The following DNAJC24 variants were observed in gnomAD, a reference collection of about 807,000 sequenced individuals.
The protein encoded by DNAJC24 is DnaJ heat shock protein family (Hsp40) member C24.
In DNAJC24, 17 loss-of-function variants were observed where a neutral mutation model predicts 18.0. The ratio of observed to expected loss-of-function variants is 0.94; its 90% CI spans 0.65 to 1.42. DNAJC24 has a LOEUF of 1.42. Ranked by LOEUF, DNAJC24 falls within the 40% of genes most tolerant of loss-of-function variation. The pLI is 0.00. For synonymous variants in DNAJC24, 55 were observed against 57.7 expected (o/e 0.95, Z 0.21); for missense variants, 158 against 175.6 (o/e 0.90, Z 0.57).
intron 2 of DNAJC24, among the ~76,000 whole-genome samples, chr11:31,412,803 C>T (rs1278824821): frequency 2.0e-5 from 3 of 152,166 alleles, no homozygotes; most frequent in Non-Finnish European, 4.4e-5. Flanking sequence ...TTGTCCCAGC[C>T]TGTATGATGT....
Position 31,431,475 on chromosome 11 carries a change from T to A in DNAJC24, c.*1074T>A, listed in dbSNP as rs942974737. On this transcript the variant is annotated 3_prime_UTR_variant, in exon 5 of 5. Transcript: ENST00000465995. Reference sequence around the variant, plus strand: ...CAGAAGCTTTTTTAAAAATAATGACTTGGAAGTTGGTGCATTATTTCCCCT... The same window carrying A: ...CAGAAGCTTTTTTAAAAATAATGACATGGAAGTTGGTGCATTATTTCCCCT... 6.7e-6 allele frequency: 1 copy of A among 149,730 alleles called. No homozygotes were observed. Among genetic ancestry groups the A allele is most frequent in the African/African-American group, 2.4e-5 (1 of 40,860 alleles). The allele number at this position is 149,730 out of a possible 1,614,324, so 9.3% of individuals were successfully genotyped here.
intron 1 of DNAJC24, 31 bp from the exon 2 acceptor site, chr11:31,370,685 G>A: frequency 8.9e-7 from 1 of 1,126,518 alleles, no homozygotes; most frequent in Non-Finnish European, 1.3e-6. Context: ...ATGGCAAACT[G>A]TGATGAATTG....
chr11:31,372,505 C>T (rs1252785059), intron 2 of DNAJC24, among the ~76,000 whole-genome samples: 1 of 135,106 alleles, frequency 7.4e-6, no homozygotes, highest in Non-Finnish European at 1.7e-5. Context: ...TGAAAAATAT[C>T]CTAATATTAA....
At chr11:31,398,531 A>G (rs1287282387) in intron 2 of DNAJC24, among the ~76,000 whole-genome samples, 1 of 152,268 alleles carries the variant, frequency 6.6e-6, no homozygotes, top group Non-Finnish European at 1.5e-5. Flanking sequence ...TAAAAGAAAT[A>G]GATAACTTTT....
chr11:31,401,886 C>T (rs1952604229), intron 2 of DNAJC24, among the ~76,000 whole-genome samples: 1 of 152,112 alleles, frequency 6.6e-6, no homozygotes, highest in Non-Finnish European at 1.5e-5. Flanking sequence ...TGCAGGATTC[C>T]ATCATAAATA....
chr11:31,431,593 C>T lies in DNAJC24; in HGVS notation c.*1192C>T, dbSNP rs886207151. On this transcript the variant is annotated 3_prime_UTR_variant, in exon 5 of 5. Coordinates refer to ENST00000465995, the MANE Select transcript of DNAJC24 (RefSeq NM_181706.5). ...TTGGGAGACTAAGGCAGGCGGATCA[C>T]CTTTGGTCAGGAGTTCAAGACCACC... is the stretch of plus-strand genomic sequence containing the variant. The T allele has an allele frequency of 6.6e-6, 1 of 151,406 alleles. No individual in the cohort carries two copies. The highest frequency in any genetic ancestry group is 1.5e-5 in the Non-Finnish European group (1 of 67,892). The allele number at this position is 151,406 out of a possible 1,614,324, so 9.4% of individuals were successfully genotyped here.
chr11:31,377,766 T>G (rs991825625), intron 2 of DNAJC24, among the ~76,000 whole-genome samples: 1 of 152,090 alleles, frequency 6.6e-6, no homozygotes, highest in Non-Finnish European at 1.5e-5. Flanking sequence ...TTCCCACTGA[T>G]CCTGATAATA....
chr11:31,405,083 T>G (rs1253663848), intron 2 of DNAJC24, among the ~76,000 whole-genome samples: 2 of 150,544 alleles, frequency 1.3e-5, no homozygotes, highest in Middle Eastern at 3.4e-3. Context: ...TTGTTTTTTT[T>G]TTTTTTGAGA....
intron 2 of DNAJC24, among the ~76,000 whole-genome samples, chr11:31,393,235 G>T (rs1952515663): frequency 6.6e-6 from 1 of 152,086 alleles, no homozygotes. Flanking sequence ...GGTTGTTTGG[G>T]CAGGGGATTC....
chr11:31,424,390 T>C (rs904236142), intron 3 of DNAJC24, among the ~76,000 whole-genome samples: 1 of 152,174 alleles, frequency 6.6e-6, no homozygotes, highest in Non-Finnish European at 1.5e-5. Context: ...TGAAACAGTG[T>C]TTAATCTCCC....
chr11:31,381,669 A>G (rs1457343588), intron 2 of DNAJC24, among the ~76,000 whole-genome samples: 2 of 149,324 alleles, frequency 1.3e-5, no homozygotes, highest in Non-Finnish European at 3.0e-5. Flanking sequence ...CCGCCTTCCC[A>G]GTTCAAGCAA....
rs563735076 is a variant in DNAJC24, at chr11:31,394,453, G to A, written c.112-20358G>A. ...AGATGAATTTGCAAATGTGGAATCC[G>A]TGATTAACGAGGTTCAACTAATTAT... On this transcript the variant is annotated intron_variant, in intron 2 of 4. Transcript: ENST00000465995. Among the ~76,000 whole-genome samples the A allele has an allele frequency of 5.2e-4, 79 of 152,148 alleles. No homozygotes were observed. In the Middle Eastern group the frequency reaches 0.01, roughly 20 times the overall value.
At chr11:31,425,722 A>T (rs1952854608) in intron 3 of DNAJC24, among the ~76,000 whole-genome samples, 1 of 152,202 alleles carries the variant, frequency 6.6e-6, no homozygotes, top group Admixed American at 6.5e-5. Flanking sequence ...AAGAACAGTC[A>T]AATTATGGGT....
At chr11:31,405,374 ATT>A (rs34856586) in intron 2 of DNAJC24, among the ~76,000 whole-genome samples, 41 of 134,328 alleles carry the variant, frequency 3.1e-4, no homozygotes, top group African/African-American at 6.4e-4. Context: ...CCAGCCAGGA[ATT>A]TTTTTTTTTT....
intron 2 of DNAJC24, among the ~76,000 whole-genome samples, chr11:31,404,582 T>G (rs1952636248): frequency 6.6e-6 from 1 of 152,216 alleles, no homozygotes; most frequent in African/African-American, 2.4e-5. Flanking sequence ...ATTTATATAA[T>G]TCTCTCAAAT....
intron 2 of DNAJC24, among the ~76,000 whole-genome samples, chr11:31,373,409 A>G (rs964667416): frequency 4.5e-5 from 6 of 133,704 alleles, no homozygotes; most frequent in African/African-American, 1.5e-4. Context: ...TCTCCATTGG[A>G]CTGTCTTGGC....
chr11:31,397,109 A>G (rs1167615596), intron 2 of DNAJC24, among the ~76,000 whole-genome samples: 2 of 152,132 alleles, frequency 1.3e-5, no homozygotes, highest in African/African-American at 2.4e-5. Flanking sequence ...TCATGCATCT[A>G]TCCTTCCCAA....
chr11:31,427,931 T>C (rs1212425896), intron 4 of DNAJC24: 3 of 136,158 alleles, frequency 2.2e-5, no homozygotes, highest in Non-Finnish European at 4.7e-5. Flanking sequence ...CTGGGCAACA[T>C]AGGAAGACTG....
intron 2 of DNAJC24, among the ~76,000 whole-genome samples, chr11:31,389,309 A>G (rs1459642077): frequency 6.6e-6 from 1 of 152,176 alleles, no homozygotes; most frequent in Admixed American, 6.5e-5. Context: ...GGATGTAGAA[A>G]TACATTCCAT....
Sources: gnomAD v4.1 joint callset for allele counts (sites outside exome capture counted in the v4.1 genomes callset) on GRCh38, gnomAD v4.1.1 for gene constraint, MANE v1.5 for transcripts, NCBI Gene and HGNC (gene_info 2026-07-23, HGNC 2026-07-21) for gene names.